Variants in F13A1 observed in about 807,000 individuals in gnomAD.
F13A1 encodes FSF, A subunit.
F13A1 carries 47 observed loss-of-function variants against 80.1 expected under a neutral mutation model. The ratio of observed to expected loss-of-function variants is 0.59; its 90% CI spans 0.46 to 0.75. The LOEUF is 0.75. F13A1 is among the 30% of genes least tolerant of loss of function. The pLI is 0.00. For missense variants in F13A1, 817 were observed against 930.4 expected (o/e 0.88, Z 1.59); for synonymous variants, 349 against 344.9 (o/e 1.01, Z -0.13).
At chr6:6,187,868 T>G (rs545967949) in intron 10 of F13A1, among the ~76,000 whole-genome samples, 27 of 138,710 alleles carry the variant, frequency 1.9e-4, no homozygotes, top group African/African-American at 6.9e-4. Flanking sequence ...TCTTTTTGGT[T>G]GGTAAGCTAT....
At chr6:6,192,129 A>G (rs1761212588) in intron 10 of F13A1, among the ~76,000 whole-genome samples, 1 of 152,232 alleles carries the variant, frequency 6.6e-6, no homozygotes, top group Admixed American at 6.5e-5. Context: ...TGCTTTCTGA[A>G]GAGAAAAATC....
chr6:6,201,477 C>G (rs1761392869), intron 8 of F13A1, among the ~76,000 whole-genome samples: 1 of 152,130 alleles, frequency 6.6e-6, no homozygotes, highest in South Asian at 2.1e-4. Context: ...CCCAGACAGC[C>G]CATGAAGAGA....
chr6:6,161,559 A>T (rs570851892), intron 13 of F13A1, among the ~76,000 whole-genome samples: 5,744 of 112,914 alleles, frequency 0.051, 371 homozygotes, highest in African/African-American at 0.18. Context: ...TGTGAGAGAG[A>T]GAGAGAGAGA....
chr6:6,155,478 G>A (rs540767175), intron 13 of F13A1, among the ~76,000 whole-genome samples: 13 of 152,074 alleles, frequency 8.5e-5, no homozygotes, highest in Non-Finnish European at 1.3e-4. Context: ...GAGAGGAGAA[G>A]CCCTTCTCTG....
At chr6:6,266,164 G>A (rs1472434876) in intron 4 of F13A1, among the ~76,000 whole-genome samples, 1 of 152,178 alleles carries the variant, frequency 6.6e-6, no homozygotes, top group Non-Finnish European at 1.5e-5. Flanking sequence ...ATATGTAGGA[G>A]AGGCATATGT....
chr6:6,265,191 T>A (rs934685145), intron 4 of F13A1, among the ~76,000 whole-genome samples: 2 of 152,246 alleles, frequency 1.3e-5, no homozygotes, highest in Non-Finnish European at 2.9e-5. Flanking sequence ...TGTGCACTTA[T>A]CTATATCTAG....
intron 8 of F13A1, among the ~76,000 whole-genome samples, chr6:6,218,574 T>A (rs1204885597): frequency 6.6e-6 from 1 of 152,212 alleles, no homozygotes; most frequent in Non-Finnish European, 1.5e-5. Context: ...TCTGCCCTGC[T>A]CTGCCCTTCT....
At position 6,166,982 on chromosome 6, in the gene F13A1, T is replaced by C. The variant is rs59089313; in HGVS notation, c.1908+476A>G. On this transcript the variant is annotated intron_variant, in intron 13 of 14. Coordinates refer to ENST00000264870, the MANE Select transcript of F13A1 (RefSeq NM_000129.4). ...CTTGTGGTTGCAAGGCACACGCACA[T>C]ACAAAATCATCATCAAGCTGTATAT... Among the ~76,000 whole-genome samples, 972 of 152,328 alleles carry C rather than the reference T, an allele frequency of 6.4e-3. 12 individuals carry two copies. Among genetic ancestry groups the C allele is most frequent in the African/African-American group, 0.022 (925 of 41,574 alleles).
chr6:6,195,668 G>A lies in F13A1; in HGVS notation c.1305+129C>T. 13 of 797,302 alleles carry A rather than the reference G, an allele frequency of 1.6e-5. No homozygotes were observed. In the South Asian group the frequency reaches 1.9e-4, roughly 12 times the overall value. 49.4% of individuals were successfully genotyped at this position (797,302 alleles called of 1,614,324 possible). A position where few individuals can be genotyped will look rare whatever the true frequency, so the allele number is the denominator to read the frequency against. ...AGCCTGGAAGTTGGAATAATGCCTA[G>A]TTACCTTTGTCAACACGAAGCATAC... is the stretch of plus-strand genomic sequence containing the variant. On this transcript the variant is annotated intron_variant, in intron 10 of 14. Coordinates refer to ENST00000264870, the MANE Select transcript of F13A1 (RefSeq NM_000129.4).
At chr6:6,194,364 C>A (rs1006142678) in intron 10 of F13A1, among the ~76,000 whole-genome samples, 1 of 152,178 alleles carries the variant, frequency 6.6e-6, no homozygotes, top group Admixed American at 6.5e-5. Flanking sequence ...TCAACTGCCC[C>A]CACAAAGCTT....
At chr6:6,182,217 A>C in intron 10 of F13A1, 76 bp from the exon 11 acceptor site, 1 of 1,503,410 alleles carries the variant, frequency 6.7e-7, no homozygotes, top group Non-Finnish European at 9.2e-7. Context: ...TCCATAGAGC[A>C]GTCGTCTAGA....
intron 4 of F13A1, among the ~76,000 whole-genome samples, chr6:6,263,744 A>G (rs1483164555): frequency 6.6e-6 from 1 of 152,196 alleles, no homozygotes; most frequent in East Asian, 1.9e-4. Flanking sequence ...CAGCTCTGAA[A>G]ATGGCACCGC....
rs143980582 is a variant in F13A1, at chr6:6,231,802, C to T, written c.799-6942G>A. On this transcript the variant is annotated intron_variant, in intron 6 of 14. Coordinates refer to ENST00000264870, the MANE Select transcript of F13A1 (RefSeq NM_000129.4). ...CTCTTCAAACAAAACAATTATCAGC[C>T]AAGAATTTTGTATCCAGCGAAACTA... Among the ~76,000 whole-genome samples the T allele has an allele frequency of 8.1e-3, 1,235 of 152,232 alleles. 19 individuals are homozygous for T. Among genetic ancestry groups the T allele is most frequent in the African/African-American group, 0.028 (1,163 of 41,536 alleles).
At chr6:6,229,603 A>C (rs1189822766) in intron 6 of F13A1, among the ~76,000 whole-genome samples, 1 of 152,208 alleles carries the variant, frequency 6.6e-6, no homozygotes, top group Non-Finnish European at 1.5e-5. Context: ...GATGGGAGGC[A>C]GGACTGGATT....
At chr6:6,192,000 C>T (rs758480493) in intron 10 of F13A1, among the ~76,000 whole-genome samples, 2 of 152,196 alleles carry the variant, frequency 1.3e-5, no homozygotes, top group African/African-American at 2.4e-5. Flanking sequence ...GACTTGAATG[C>T]AGAGAGGGAA....
rs1005712288 is a variant in F13A1, at chr6:6,243,925, G to A, written c.798+4387C>T. On this transcript the variant is annotated intron_variant, in intron 6 of 14. Transcript: ENST00000264870. This position sits in a 1 kb window ranked among gnomAD's most constrained non-coding sequence, Gnocchi z 4.2. ...TTTGCAGAAGCAGCTGCATCTCCTT[G>A]GGGGAAATTCTCTGCCCATAGTTGC... 2.6e-5 allele frequency among the ~76,000 whole-genome samples: 4 copies of A among 152,200 alleles called. No homozygotes were observed.
At chr6:6,171,792 G>C (rs1203523094) in intron 12 of F13A1, among the ~76,000 whole-genome samples, 1 of 152,200 alleles carries the variant, frequency 6.6e-6, no homozygotes, top group Non-Finnish European at 1.5e-5. Flanking sequence ...TGCCACCTTT[G>C]TTCCTGATTC....
At chr6:6,176,746 G>A (rs907010865) in intron 11 of F13A1, among the ~76,000 whole-genome samples, 6 of 152,190 alleles carry the variant, frequency 3.9e-5, no homozygotes, top group South Asian at 2.1e-4. Context: ...CATTAATGAT[G>A]ATCACTTTGG....
At chr6:6,238,537 A>G (rs1025252520) in intron 6 of F13A1, among the ~76,000 whole-genome samples, 1 of 152,148 alleles carries the variant, frequency 6.6e-6, no homozygotes, top group Non-Finnish European at 1.5e-5. Context: ...TATAAAATTT[A>G]AAAACTTTTG....
Sources: allele counts gnomAD v4.1 joint callset (sites outside exome capture counted in the v4.1 genomes callset), GRCh38; gene constraint gnomAD v4.1.1; non-coding constraint Gnocchi (gnomAD v3.1); transcripts MANE v1.5; gene names NCBI Gene and HGNC (gene_info 2026-07-23, HGNC 2026-07-21).